The following AFF2 variants were observed in gnomAD, a reference collection of about 807,000 sequenced individuals.
The protein encoded by AFF2 is ALF transcription elongation factor 2, also known as AF4/FMR2 family member 2.
A neutral mutation model predicts 76.9 loss-of-function variants in AFF2; 14 were observed. That is an observed-to-expected ratio of 0.18 (90% CI 0.12 to 0.28). The LOEUF is 0.28. Among genes scored for constraint, AFF2 ranks in the 10% least tolerant of loss-of-function variants. The probability of loss-of-function intolerance (pLI) is 1.00; values close to 1 mark genes in which losing one functional copy is unlikely to be tolerated. For synonymous variants in AFF2, 398 were observed against 366.7 expected, an observed-to-expected ratio of 1.09 and a Z score of -0.98; for missense variants, 868 against 1,001.1, an observed-to-expected ratio of 0.87 and a Z score of 1.79.
chrX:148,530,713 C>T (rs1489411798), intron 1 of AFF2, among the ~76,000 whole-genome samples: 1 of 111,207 alleles, frequency 9.0e-6, no homozygotes, highest in Admixed American at 9.6e-5. Context: ...GATTGGGAAG[C>T]TTGGAATTTA....
At chrX:148,581,538 G>A (rs894075510) in intron 1 of AFF2, among the ~76,000 whole-genome samples, 4 of 90,278 alleles carry the variant, frequency 4.4e-5, no homozygotes, top group Non-Finnish European at 6.5e-5. Context: ...ACATATATAC[G>A]TATACGTCTA....
At chrX:148,664,114 GTC>G (rs2054335138) in intron 3 of AFF2, among the ~76,000 whole-genome samples, 1 of 110,821 alleles carries the variant, frequency 9.0e-6, no homozygotes, top group African/African-American at 3.3e-5. Flanking sequence ...CTTCCCTCTA[GTC>G]TCACCTCTCT....
At chrX:148,741,331 G>C (rs1186539785) in intron 3 of AFF2, among the ~76,000 whole-genome samples, 1 of 110,699 alleles carries the variant, frequency 9.0e-6, no homozygotes, top group Non-Finnish European at 1.9e-5. Context: ...TGGGGGATGG[G>C]GGTGAGATTC....
At chrX:148,680,547 A>G (rs2054536048) in intron 3 of AFF2, among the ~76,000 whole-genome samples, 2 of 111,754 alleles carry the variant, frequency 1.8e-5, no homozygotes, top group South Asian at 3.8e-4. Context: ...AATTAAAAAA[A>G]AAATCAACTT....
intron 3 of AFF2, among the ~76,000 whole-genome samples, chrX:148,729,722 G>A (rs1557264526): frequency 8.9e-6 from 1 of 112,047 alleles, no homozygotes. Flanking sequence ...CAATTATCCA[G>A]TGAATTTAAT....
chrX:148,944,685 A>G (rs2082808946), intron 9 of AFF2, among the ~76,000 whole-genome samples: 1 of 110,794 alleles, frequency 9.0e-6, no homozygotes, highest in South Asian at 3.9e-4. Context: ...GCAAATTGCA[A>G]TGCTTTGAAG....
intron 13 of AFF2, among the ~76,000 whole-genome samples, chrX:148,964,122 C>T (rs782186672): frequency 2.7e-5 from 3 of 112,234 alleles, no homozygotes; most frequent in Non-Finnish European, 3.8e-5. Flanking sequence ...TATGTGCATG[C>T]ATGCACTCAG....
intron 7 of AFF2, among the ~76,000 whole-genome samples, chrX:148,883,594 T>G (rs1557278716): frequency 9.0e-6 from 1 of 111,408 alleles, no homozygotes; most frequent in African/African-American, 3.3e-5. Flanking sequence ...CATGCTAATG[T>G]TTTCTGAGGT....
At chrX:148,945,363 G>T (rs1324785319) in intron 9 of AFF2, among the ~76,000 whole-genome samples, 2 of 112,391 alleles carry the variant, frequency 1.8e-5, no homozygotes, top group African/African-American at 6.5e-5. Context: ...AACTTTCTCT[G>T]TTGCTAAAGG....
At chrX:148,818,714 G>A (rs2070294514) in intron 4 of AFF2, among the ~76,000 whole-genome samples, 1 of 110,918 alleles carries the variant, frequency 9.0e-6, no homozygotes, top group African/African-American at 3.3e-5. Flanking sequence ...GTAATTGAAA[G>A]AGAGAGAAGT....
chrX:148,976,560 T>G (rs1296801128), intron 16 of AFF2, among the ~76,000 whole-genome samples: 1 of 112,231 alleles, frequency 8.9e-6, no homozygotes, highest in Non-Finnish European at 1.9e-5. Flanking sequence ...TCAAGTCACT[T>G]CAAATGTGGT....
At chrX:148,649,091 T>A (rs782052790) in intron 1 of AFF2, among the ~76,000 whole-genome samples, 14 of 111,738 alleles carry the variant, frequency 1.3e-4, no homozygotes, top group Non-Finnish European at 2.3e-4. Context: ...AAAGCAGGCC[T>A]GGGTGTGTAA....
chrX:148,566,562 G>A (rs1446374610), intron 1 of AFF2, among the ~76,000 whole-genome samples: 1 of 110,944 alleles, frequency 9.0e-6, no homozygotes, highest in African/African-American at 3.3e-5. Context: ...TTCCCCAACT[G>A]AAGACCACCT....
chrX:148,634,793 C>G (rs1279746086), intron 1 of AFF2, among the ~76,000 whole-genome samples: 10 of 112,146 alleles, frequency 8.9e-5, no homozygotes, highest in Non-Finnish European at 1.7e-4. Context: ...AGTGGCTCAA[C>G]TCAGCTCTCA....
At chrX:148,741,113 G>A (rs1297795302) in intron 3 of AFF2, among the ~76,000 whole-genome samples, 1 of 111,739 alleles carries the variant, frequency 8.9e-6, no homozygotes, top group Non-Finnish European at 1.9e-5. Context: ...CTCTGTTTTT[G>A]TGCTGGTTGA....
chrX:148,628,134 G>T (rs1201364089), intron 1 of AFF2, among the ~76,000 whole-genome samples: 1 of 111,538 alleles, frequency 9.0e-6, no homozygotes, highest in Non-Finnish European at 1.9e-5. Flanking sequence ...CTGAAGCCAG[G>T]CAGGAAGGTG....
At chrX:148,701,012 A>G (rs200172031) in intron 3 of AFF2, among the ~76,000 whole-genome samples, 377 of 73,242 alleles carry the variant, frequency 5.1e-3, no homozygotes, top group Non-Finnish European at 6.4e-3. Flanking sequence ...GAGAGAGAGA[A>G]TGTGTGTGTG....
rs564726991 is a variant in AFF2, at chrX:148,684,040, C to G, written c.1041+21272C>G. ...TCTCAGAAGTTACCCTGTGAGACAC[C>G]CTGTGCAAACATTTTAAATGAATTA... On this transcript the variant is annotated intron_variant, in intron 3 of 20. Coordinates refer to ENST00000370460, the MANE Select transcript of AFF2 (RefSeq NM_002025.4). Among the ~76,000 whole-genome samples, 117 of 111,376 alleles carry G rather than the reference C, an allele frequency of 1.1e-3. 5 individuals carry two copies. The South Asian group carries it at 0.042, about 40-fold the overall frequency.
Position 148,956,403 on chromosome X carries a change from T to C in AFF2, c.2358T>C (p.Thr786=), listed in dbSNP as rs782536933. ...TTTCACCTATTCCTGTCATGCAAACTGAAATCCTGTCCCCTCTGCGAGATC... is the reference window on the plus strand; with the variant it reads ...TTTCACCTATTCCTGTCATGCAAACCGAAATCCTGTCCCCTCTGCGAGATC... ...PTFSPIPVMQ[T]EILSPLRDHE... The change falls in exon 11 of 21, where the codon ACT becomes ACC. Residue 786 remains threonine (T), a synonymous_variant. Transcript: ENST00000370460. 1.9e-5 allele frequency: 23 copies of C among 1,209,498 alleles called. No individual in the cohort carries two copies. Among genetic ancestry groups the C allele is most frequent in the Non-Finnish European group, 2.6e-5 (23 of 894,922 alleles).
Sources: gnomAD v4.1 joint callset for allele counts (sites outside exome capture counted in the v4.1 genomes callset) on GRCh38, gnomAD v4.1.1 for gene constraint, MANE v1.5 for transcripts, NCBI Gene and HGNC (gene_info 2026-07-23, HGNC 2026-07-21) for gene names.